The following MGAT5 variants were observed in gnomAD, a reference collection of about 807,000 sequenced individuals.
MGAT5 encodes alpha-1,6-mannosylglycoprotein 6-beta-N-acetylglucosaminyltransferase A.
Under a neutral mutation model 94.3 loss-of-function variants are expected in MGAT5, and 30 were observed. The ratio of observed to expected loss-of-function variants is 0.32; its 90% CI spans 0.24 to 0.43. MGAT5 has a LOEUF of 0.43. Ranked by LOEUF, MGAT5 falls within the 20% of genes least tolerant of loss-of-function variation. The pLI, the probability that MGAT5 is intolerant of heterozygous loss-of-function variation, is 1.00. For missense variants in MGAT5, 691 were observed against 905.5 expected, an observed-to-expected ratio of 0.76 and a Z score of 3.04; for synonymous variants, 310 against 322.9, an observed-to-expected ratio of 0.96 and a Z score of 0.43.
chr2:134,163,739 C>T (rs964347563), intron 1 of MGAT5, among the ~76,000 whole-genome samples: 116 of 152,152 alleles, frequency 7.6e-4, no homozygotes, highest in African/African-American at 2.6e-3. Flanking sequence ...TACACAGTTC[C>T]CATTCATTAC....
intron 2 of MGAT5, among the ~76,000 whole-genome samples, chr2:134,278,338 A>C (rs969921868): frequency 6.6e-6 from 1 of 152,090 alleles, no homozygotes; most frequent in Non-Finnish European, 1.5e-5. Context: ...AGGAGGCTCT[A>C]GGTTTTAGTT....
At chr2:134,140,901 C>G (rs1168648164) in intron 1 of MGAT5, among the ~76,000 whole-genome samples, 2 of 152,216 alleles carry the variant, frequency 1.3e-5, no homozygotes, top group African/African-American at 2.4e-5. Context: ...ACCTAGGGAA[C>G]CTAGCTCCAG....
chr2:134,300,921 C>T (rs72978130), intron 2 of MGAT5, among the ~76,000 whole-genome samples: 2,645 of 152,224 alleles, frequency 0.017, 87 homozygotes, highest in African/African-American at 0.06. Context: ...AAGTATACAA[C>T]CTGATGAGTT....
chr2:134,411,199 G>T (rs1231735904), intron 11 of MGAT5, among the ~76,000 whole-genome samples: 2 of 152,146 alleles, frequency 1.3e-5, no homozygotes, highest in Admixed American at 6.5e-5. Context: ...TCTCGTTTCT[G>T]TTAGCTGTAT....
intron 1 of MGAT5, among the ~76,000 whole-genome samples, chr2:134,221,124 C>T (rs1680743259): frequency 6.6e-6 from 1 of 152,158 alleles, no homozygotes; most frequent in Non-Finnish European, 1.5e-5. Flanking sequence ...AGATTTATTC[C>T]GAGCCAAGTA....
chr2:134,274,219 G>A (rs1197528775), intron 2 of MGAT5, among the ~76,000 whole-genome samples: 2 of 152,216 alleles, frequency 1.3e-5, no homozygotes, highest in African/African-American at 4.8e-5. Flanking sequence ...ACCTGTTGAA[G>A]ATAATTCAGT....
intron 14 of MGAT5, among the ~76,000 whole-genome samples, chr2:134,433,922 AG>A (rs1685025024): frequency 6.6e-6 from 1 of 151,202 alleles, no homozygotes; most frequent in Non-Finnish European, 1.5e-5. Flanking sequence ...TCTTGGTTCC[AG>A]ACAATGTGGG....
intron 1 of MGAT5, among the ~76,000 whole-genome samples, chr2:134,175,971 T>A (rs1240331341): frequency 6.6e-6 from 1 of 152,224 alleles, no homozygotes; most frequent in African/African-American, 2.4e-5. Flanking sequence ...CTGGATTATT[T>A]TATGATAGCT....
chr2:134,137,509 TTGAAGTCA>T (rs1395213546), intron 1 of MGAT5, among the ~76,000 whole-genome samples: 1 of 152,230 alleles, frequency 6.6e-6, no homozygotes, highest in Non-Finnish European at 1.5e-5. Flanking sequence ...GGCTGCAGAC[TTGAAGTCA>T]TTGCTGTGCT....
chr2:134,200,673 G>A (rs1679742602), intron 1 of MGAT5, among the ~76,000 whole-genome samples: 1 of 152,104 alleles, frequency 6.6e-6, no homozygotes, highest in South Asian at 2.1e-4. Flanking sequence ...TATGGAGTGA[G>A]CAAAACAGAT....
intron 1 of MGAT5, among the ~76,000 whole-genome samples, chr2:134,153,249 G>A (rs1687311845): frequency 6.6e-6 from 1 of 152,148 alleles, no homozygotes. Context: ...AAGGCCCCAA[G>A]TGGTTAAAAA....
At chr2:134,354,105 T>A (rs937585635) in intron 9 of MGAT5, among the ~76,000 whole-genome samples, 2 of 152,200 alleles carry the variant, frequency 1.3e-5, no homozygotes, top group Non-Finnish European at 2.9e-5. Context: ...CCTTTGAATA[T>A]CAAAACTTCT....
intron 10 of MGAT5, among the ~76,000 whole-genome samples, chr2:134,367,406 T>C (rs1486079315): frequency 6.6e-6 from 1 of 152,218 alleles, no homozygotes; most frequent in Non-Finnish European, 1.5e-5. Flanking sequence ...GTGGACCAAA[T>C]CTAGCCCAAC....
At chr2:134,237,875 T>C (rs145859925) in intron 1 of MGAT5, among the ~76,000 whole-genome samples, 8,835 of 151,030 alleles carry the variant, frequency 0.058, 417 homozygotes, top group East Asian at 0.22. Context: ...CTCAGCCTCC[T>C]GAGTAGCTGG....
intron 2 of MGAT5, among the ~76,000 whole-genome samples, chr2:134,300,498 C>A (rs1685949278): frequency 6.6e-6 from 1 of 152,162 alleles, no homozygotes; most frequent in Admixed American, 6.5e-5. Context: ...TTGGGCCCAA[C>A]ACTATACACA....
intron 10 of MGAT5, among the ~76,000 whole-genome samples, chr2:134,383,622 G>T (rs1055123633): frequency 2.6e-5 from 4 of 152,062 alleles, no homozygotes; most frequent in African/African-American, 9.7e-5. Flanking sequence ...ATAATACAGG[G>T]ATTAATCTCA....
chr2:134,291,604 C>A (rs1041262158), intron 2 of MGAT5, among the ~76,000 whole-genome samples: 1 of 152,100 alleles, frequency 6.6e-6, no homozygotes, highest in Non-Finnish European at 1.5e-5. Context: ...GGAGAGAGTC[C>A]AGGACTTGAG....
At chr2:134,130,689 A>G (rs1034206518) in intron 1 of MGAT5, among the ~76,000 whole-genome samples, 12 of 143,402 alleles carry the variant, frequency 8.4e-5, no homozygotes, top group African/African-American at 2.7e-4. Flanking sequence ...TTGTAAATGC[A>G]CCAATCAATG....
intron 1 of MGAT5, among the ~76,000 whole-genome samples, chr2:134,233,798 G>C (rs1327644695): frequency 6.6e-6 from 1 of 152,156 alleles, no homozygotes; most frequent in East Asian, 1.9e-4. Flanking sequence ...AACTTCAAGA[G>C]GGCACAGGGC....
Sources: gnomAD v4.1 joint callset for allele counts (sites outside exome capture counted in the v4.1 genomes callset) on GRCh38, gnomAD v4.1.1 for gene constraint, MANE v1.5 for transcripts, NCBI Gene and HGNC (gene_info 2026-07-23, HGNC 2026-07-21) for gene names.